PAPPA2: variants seen among roughly 807,000 people sequenced by gnomAD.
PAPPA2 encodes pappalysin-2.
Under a neutral mutation model 176.4 loss-of-function variants are expected in PAPPA2, and 86 were observed. The observed-to-expected ratio is 0.49, with a 90% CI of 0.41 to 0.58. The LOEUF is 0.58. Ranked by LOEUF, PAPPA2 falls within the 20% of genes least tolerant of loss-of-function variation. The pLI is 0.00. For missense variants in PAPPA2, 2,073 were observed against 2,256.9 expected, an observed-to-expected ratio of 0.92 and a Z score of 1.65; for synonymous variants, 809 against 852.2, an observed-to-expected ratio of 0.95 and a Z score of 0.88.
chr1:176,716,231 CT>C lies in PAPPA2; in HGVS notation c.3798+4267del, dbSNP rs371904164. Among the ~76,000 whole-genome samples, 1,306 of 133,200 alleles carry C rather than the reference CT, an allele frequency of 9.8e-3. 6 individuals carry two copies. The highest frequency in any genetic ancestry group is 0.017 in the Middle Eastern group (4 of 240). 87.4% of individuals were successfully genotyped at this position (133,200 alleles called of 152,430 possible). A position where few individuals can be genotyped will look rare whatever the true frequency, so the allele number is the denominator to read the frequency against. ...TGTCCTTTGCCAATTTAACCTCTTT[CT>C]TTTTTTTTTTTTTTTTCTTTTGTTT... On this transcript the variant is annotated intron_variant, in intron 12 of 22. Coordinates refer to ENST00000367662, the MANE Select transcript of PAPPA2 (RefSeq NM_020318.3).
intron 1 of PAPPA2, among the ~76,000 whole-genome samples, chr1:176,470,900 G>C (rs924019454): frequency 2.0e-5 from 3 of 151,886 alleles, no homozygotes; most frequent in African/African-American, 7.3e-5. Flanking sequence ...GGTTGAAAGA[G>C]AGCAAAAGCT....
chr1:176,702,745 TTG>T lies in PAPPA2; in HGVS notation c.3365+41_3365+42del, dbSNP rs763532990. 8,076 of 1,186,262 alleles carry T rather than the reference TTG, an allele frequency of 6.8e-3. 3 individuals carry two copies. Among genetic ancestry groups the T allele is most frequent in the East Asian group, 0.013 (442 of 33,198 alleles). 73.5% of individuals were successfully genotyped at this position (1,186,262 alleles called of 1,614,324 possible). ...ATGGGAAGGTGTCAGAGTGAGTATTTTGTGTGTGTGTGTGTGTGTGTGTGTGT... is the reference window on the plus strand; with the variant it reads ...ATGGGAAGGTGTCAGAGTGAGTATTTTGTGTGTGTGTGTGTGTGTGTGTGT... On this transcript the variant is annotated intron_variant, in intron 9 of 22. Coordinates refer to ENST00000367662, the MANE Select transcript of PAPPA2 (RefSeq NM_020318.3).
intron 4 of PAPPA2, among the ~76,000 whole-genome samples, chr1:176,686,423 A>G (rs375596603): frequency 6.6e-5 from 10 of 152,258 alleles, no homozygotes; most frequent in African/African-American, 1.9e-4. Flanking sequence ...CCATGATTCA[A>G]TTACCTCCAC....
At chr1:176,796,083 G>A (rs927454798) in intron 20 of PAPPA2, among the ~76,000 whole-genome samples, 4 of 152,166 alleles carry the variant, frequency 2.6e-5, no homozygotes, top group Admixed American at 1.3e-4. Context: ...CACCCCCAAA[G>A]TGTCCTCTTG....
intron 21 of PAPPA2, among the ~76,000 whole-genome samples, chr1:176,807,748 G>A (rs1557884334): frequency 3.3e-5 from 5 of 151,896 alleles, no homozygotes; most frequent in African/African-American, 2.4e-5. Context: ...CACCCATCTC[G>A]GCCTCCCAAA....
intron 6 of PAPPA2, among the ~76,000 whole-genome samples, chr1:176,694,745 A>G (rs1660286554): frequency 6.6e-6 from 1 of 152,230 alleles, no homozygotes; most frequent in South Asian, 2.1e-4. Context: ...CATAAACTGT[A>G]TTAATCACGT....
rs1483677389 is a variant in PAPPA2 at position 176,556,530 on chromosome 1, G to A, written c.208G>A (p.Val70Ile). 2 of 1,614,212 alleles carry A rather than the reference G, an allele frequency of 1.2e-6. No individual in the cohort carries two copies. The highest frequency in any genetic ancestry group is 2.7e-5 in the African/African-American group (2 of 75,044). The change falls in exon 2 of 23, where the codon GTC (valine) becomes ATC (isoleucine). Residue 70 changes from valine (V) to isoleucine (I), a missense_variant. Val to Ile is a conservative substitution (Grantham distance 29). Around this residue, in one of 4 missense-constraint regions of PAPPA2, gnomAD observed 1,196 missense variants for 1,330.4 expected, o/e 0.90. Coordinates refer to ENST00000367662, the MANE Select transcript of PAPPA2 (RefSeq NM_020318.3). ...TTCTCCACAGCATCACCTCTTTGGA[G>A]TCTACCCCAGCAGGGCTGGGAACTA... ...RASPQHHLFG[V>I]YPSRAGNYLR... is the part of the protein sequence containing the mutation.
intron 1 of PAPPA2, among the ~76,000 whole-genome samples, chr1:176,544,778 A>T (rs1356550024): frequency 6.6e-6 from 1 of 152,148 alleles, no homozygotes; most frequent in African/African-American, 2.4e-5. Context: ...CTGGCTACAA[A>T]TCTGAGGTTC....
chr1:176,616,205 A>C (rs1452954927), intron 3 of PAPPA2: 2 of 397,628 alleles, frequency 5.0e-6, no homozygotes, highest in East Asian at 1.1e-4. Flanking sequence ...ATGTTGGCTA[A>C]TGTGTATAAC....
chr1:176,602,526 A>G (rs1299601584), intron 3 of PAPPA2, among the ~76,000 whole-genome samples: 2 of 152,196 alleles, frequency 1.3e-5, no homozygotes, highest in African/African-American at 4.8e-5. Flanking sequence ...AGCCAAAGGC[A>G]TGGTCAGGCT....
chr1:176,667,370 A>G (rs1658722573), intron 3 of PAPPA2, among the ~76,000 whole-genome samples: 1 of 152,190 alleles, frequency 6.6e-6, no homozygotes, highest in Non-Finnish European at 1.5e-5. Flanking sequence ...CAGGGGCTGG[A>G]GCTCTTTACA....
chr1:176,612,552 G>A (rs1036374106), intron 3 of PAPPA2, among the ~76,000 whole-genome samples: 7 of 152,104 alleles, frequency 4.6e-5, no homozygotes, highest in African/African-American at 1.4e-4. Flanking sequence ...CTACAAACAG[G>A]GAAGTAGGTA....
intron 20 of PAPPA2, among the ~76,000 whole-genome samples, chr1:176,798,341 C>G (rs936425087): frequency 6.6e-5 from 10 of 151,978 alleles, no homozygotes. Flanking sequence ...TTTTCAGATC[C>G]CCTTGCTCAC....
At chr1:176,683,440 G>A (rs1659684364) in intron 4 of PAPPA2, among the ~76,000 whole-genome samples, 1 of 152,140 alleles carries the variant, frequency 6.6e-6, no homozygotes, top group Non-Finnish European at 1.5e-5. Flanking sequence ...GACGCATTGG[G>A]TTCAAGTCTT....
At chr1:176,626,924 T>A (rs997645092) in intron 3 of PAPPA2, among the ~76,000 whole-genome samples, 2 of 149,852 alleles carry the variant, frequency 1.3e-5, no homozygotes, top group Admixed American at 1.3e-4. Flanking sequence ...ATTTCCACTA[T>A]GTTGTCCAGG....
intron 1 of PAPPA2, among the ~76,000 whole-genome samples, chr1:176,485,489 C>G (rs1010460195): frequency 5.3e-5 from 8 of 152,162 alleles, no homozygotes. Context: ...TGTATATCAC[C>G]TACTCAGGGA....
chr1:176,722,665 G>A (rs1487355013), intron 12 of PAPPA2, among the ~76,000 whole-genome samples: 1 of 152,104 alleles, frequency 6.6e-6, no homozygotes, highest in East Asian at 1.9e-4. Flanking sequence ...AAAGGCTAAA[G>A]TAGCACAGAA....
rs529746242 is a variant in PAPPA2, at chr1:176,574,137, A to G, written c.919+16896A>G. On this transcript the variant is annotated intron_variant, in intron 2 of 22. Coordinates refer to ENST00000367662, the MANE Select transcript of PAPPA2 (RefSeq NM_020318.3). ...GGCCTTGATACAAATGAATGTGGAG[A>G]AGTACAAGGCAGGTTTTGCCAGCTG... Among the ~76,000 whole-genome samples, 15 of 152,196 alleles carry G rather than the reference A, an allele frequency of 9.9e-5. No homozygotes were observed. In the East Asian group the frequency reaches 2.7e-3, roughly 27 times the overall value.
intron 6 of PAPPA2, among the ~76,000 whole-genome samples, chr1:176,694,132 G>A (rs1660249944): frequency 6.6e-6 from 1 of 152,146 alleles, no homozygotes; most frequent in Non-Finnish European, 1.5e-5. Context: ...CACCCCAGCA[G>A]GTATTTGGAA....
Sources: gnomAD v4.1 joint callset for allele counts (sites outside exome capture counted in the v4.1 genomes callset) on GRCh38, gnomAD v4.1.1 for gene constraint, gnomAD v4.1.1 regional missense constraint, MANE v1.5 for transcripts, NCBI Gene and HGNC (gene_info 2026-07-23, HGNC 2026-07-21) for gene names.